CDH13: variants seen among roughly 807,000 people sequenced by gnomAD.
CDH13 encodes cadherin 13, also known as cadherin-13.
CDH13 carries 24 observed loss-of-function variants against 63.8 expected under a neutral mutation model. That is an observed-to-expected ratio of 0.38 (90% CI 0.27 to 0.53). The LOEUF (loss-of-function observed/expected upper bound fraction) is 0.53. CDH13 is among the 20% of genes least tolerant of loss of function. The pLI, the probability that CDH13 is intolerant of heterozygous loss-of-function variation, is 0.85. For synonymous variants in CDH13, 503 were observed against 355.3 expected, an observed-to-expected ratio of 1.42 and a Z score of -4.67; for missense variants, 1,049 against 903.1, an observed-to-expected ratio of 1.16 and a Z score of -2.07.
At chr16:82,938,714 C>CA (rs1241760744) in intron 2 of CDH13, among the ~76,000 whole-genome samples, 1 of 152,032 alleles carries the variant, frequency 6.6e-6, no homozygotes, top group Non-Finnish European at 1.5e-5. Flanking sequence ...GCACACAAGA[C>CA]AAGGAAAAAG....
intron 3 of CDH13, among the ~76,000 whole-genome samples, chr16:83,045,973 A>G (rs1250828726): frequency 6.6e-6 from 1 of 152,152 alleles, no homozygotes; most frequent in Non-Finnish European, 1.5e-5. Flanking sequence ...GGACTTTTGG[A>G]CCCTTTGGCC....
rs1917870163 is a variant in CDH13, at chr16:83,047,178, A to T, written c.366+14960A>T. Among the ~76,000 whole-genome samples the T allele has an allele frequency of 6.6e-6, 1 of 152,186 alleles. No homozygotes were observed. The highest frequency in any genetic ancestry group is 6.5e-5 in the Admixed American group (1 of 15,276). ...ACCCAAGGAAAGGTCTGCAGACTAT[A>T]AGCAGACTTTATCTGAAGACCACCT... On this transcript the variant is annotated intron_variant, in intron 3 of 13. Transcript: ENST00000567109. This position sits in a 1 kb window ranked among gnomAD's most constrained non-coding sequence, Gnocchi z 4.9.
chr16:83,441,721 C>A (rs2072485730), intron 6 of CDH13, among the ~76,000 whole-genome samples: 1 of 151,926 alleles, frequency 6.6e-6, no homozygotes, highest in African/African-American at 2.4e-5. Context: ...TTCCCTGAAC[C>A]CGGATAGAAA....
At chr16:83,027,114 C>G (rs914710314) in intron 2 of CDH13, among the ~76,000 whole-genome samples, 35 of 127,536 alleles carry the variant, frequency 2.7e-4, no homozygotes, top group Non-Finnish European at 3.3e-5. Flanking sequence ...CCCCCCCCCC[C>G]ACCGCCCCGC....
At chr16:83,239,779 C>T (rs1277836324) in intron 5 of CDH13, among the ~76,000 whole-genome samples, 1 of 152,180 alleles carries the variant, frequency 6.6e-6, no homozygotes, top group African/African-American at 2.4e-5. Flanking sequence ...TTTCCACCCT[C>T]AGGGAACTTA....
chr16:83,260,196 A>G (rs77329601), intron 5 of CDH13, among the ~76,000 whole-genome samples: 1,559 of 150,926 alleles, frequency 0.01, 34 homozygotes, highest in African/African-American at 0.035. Flanking sequence ...GGTGCTTTGT[A>G]GTTTCTCTTC....
intron 2 of CDH13, among the ~76,000 whole-genome samples, chr16:82,884,836 C>T (rs1027120013): frequency 4.6e-5 from 7 of 152,152 alleles, no homozygotes; most frequent in African/African-American, 1.7e-4. Context: ...TTTTCTTCTC[C>T]AGTCATCAAC....
chr16:83,500,225 TTTCTTCTCCTTC>T (rs1488509214), intron 7 of CDH13, among the ~76,000 whole-genome samples: 422 of 31,566 alleles, frequency 0.013, 148 homozygotes, highest in African/African-American at 0.045. Context: ...CACTAGTTTC[TTTCTTCTCCTTC>T]TTCTTCTTCT....
intron 1 of CDH13, among the ~76,000 whole-genome samples, chr16:82,653,415 CAGAG>C (rs1222550141): frequency 6.6e-6 from 1 of 152,090 alleles, no homozygotes; most frequent in Non-Finnish European, 1.5e-5. Context: ...TGGAGGAGAA[CAGAG>C]AGAGGGACCC....
At chr16:83,781,801 A>T (rs1406703292) in intron 12 of CDH13, among the ~76,000 whole-genome samples, 1 of 151,972 alleles carries the variant, frequency 6.6e-6, no homozygotes, top group Non-Finnish European at 1.5e-5. Context: ...GAGCATCAGG[A>T]TAAATAGCCA....
At chr16:83,532,297 G>A (rs975050320) in intron 7 of CDH13, among the ~76,000 whole-genome samples, 1 of 152,112 alleles carries the variant, frequency 6.6e-6, no homozygotes, top group Non-Finnish European at 1.5e-5. Flanking sequence ...CTCCTCAAAG[G>A]TGACTTCTGT....
intron 1 of CDH13, among the ~76,000 whole-genome samples, chr16:82,690,260 A>G (rs910547505): frequency 2.0e-5 from 3 of 151,738 alleles, no homozygotes; most frequent in African/African-American, 7.3e-5. Context: ...GAATGGTGAG[A>G]CAACCAGTGG....
chr16:83,065,691 C>T (rs907551149), intron 3 of CDH13, among the ~76,000 whole-genome samples: 10 of 106,540 alleles, frequency 9.4e-5, no homozygotes, highest in Admixed American at 1.9e-4. Context: ...GGTGACAGAA[C>T]GAGATTTGTC....
intron 5 of CDH13, among the ~76,000 whole-genome samples, chr16:83,290,398 C>T (rs1567567962): frequency 6.6e-6 from 1 of 152,084 alleles, no homozygotes. Context: ...AGGTTTTTCC[C>T]ATGCTGTTCT....
chr16:83,421,887 C>T (rs2071726673), intron 6 of CDH13, among the ~76,000 whole-genome samples: 1 of 152,190 alleles, frequency 6.6e-6, no homozygotes, highest in Admixed American at 6.5e-5. Flanking sequence ...TTACCCAAAG[C>T]ACCTTCTCAT....
At chr16:83,794,968 T>C in intron 13 of CDH13, 55 bp from the exon 14 acceptor site, 6 of 1,540,224 alleles carry the variant, frequency 3.9e-6, no homozygotes, top group Non-Finnish European at 5.3e-6. Flanking sequence ...TTAGCTAAAA[T>C]GTTTTGAATT....
intron 11 of CDH13, among the ~76,000 whole-genome samples, chr16:83,772,413 A>G (rs1456958163): frequency 6.6e-6 from 1 of 152,232 alleles, no homozygotes; most frequent in Non-Finnish European, 1.5e-5. Context: ...AGAACACTGG[A>G]CATCCCAGAA....
intron 9 of CDH13, among the ~76,000 whole-genome samples, chr16:83,676,799 C>T (rs1914993111): frequency 6.6e-6 from 1 of 152,216 alleles, no homozygotes; most frequent in Non-Finnish European, 1.5e-5. Flanking sequence ...GCACTGAATA[C>T]ATGTCAGCCG....
chr16:82,799,310 G>A (rs897801144), intron 1 of CDH13, among the ~76,000 whole-genome samples: 9 of 152,130 alleles, frequency 5.9e-5, no homozygotes, highest in Non-Finnish European at 1.3e-4. Flanking sequence ...TTGAAATATT[G>A]TATACAGCCC....
Sources: gnomAD v4.1 joint callset for allele counts (sites outside exome capture counted in the v4.1 genomes callset) on GRCh38, gnomAD v4.1.1 for gene constraint, Gnocchi (gnomAD v3.1) non-coding constraint, MANE v1.5 for transcripts, NCBI Gene and HGNC (gene_info 2026-07-23, HGNC 2026-07-21) for gene names.